C14orf180: variants seen among roughly 807,000 people sequenced by gnomAD.
The protein encoded by C14orf180 is nutritionally-regulated adipose and cardiac enriched protein homolog.
A neutral mutation model predicts 13.9 loss-of-function variants in C14orf180; 13 were observed. That is an observed-to-expected ratio of 0.94 (90% CI 0.61 to 1.49). The LOEUF (loss-of-function observed/expected upper bound fraction) is 1.49. Among genes scored for constraint, C14orf180 ranks in the 40% most tolerant of loss-of-function variants. The pLI is 0.00. For synonymous variants in C14orf180, 113 were observed against 106.3 expected (o/e 1.06, Z -0.39); for missense variants, 238 against 232.0 (o/e 1.03, Z -0.17).
chr14:104,590,397 C>G lies in C14orf180; in HGVS notation c.*1614C>G, dbSNP rs1300584721. 6.6e-6 allele frequency: 1 copy of G among 152,288 alleles called. No homozygotes were observed. Among genetic ancestry groups the G allele is most frequent in the East Asian group, 1.9e-4 (1 of 5,198 alleles). The allele number at this position is 152,288 out of a possible 1,614,324, so 9.4% of individuals were successfully genotyped here. A position where few individuals can be genotyped will look rare whatever the true frequency, so the allele number is the denominator to read the frequency against. Reference sequence around the variant, plus strand: ...GACACCCCTCCAGCCCCGGTTCTGACGGGGGACACCGCACAGGCCGATCTC... The same window carrying G: ...GACACCCCTCCAGCCCCGGTTCTGAGGGGGGACACCGCACAGGCCGATCTC... On this transcript the variant is annotated 3_prime_UTR_variant, in exon 5 of 5. Transcript: ENST00000557649.
Position 104,589,039 on chromosome 14 carries a change from A to C in C14orf180, c.*256A>C. The stretch of plus-strand genomic sequence containing the variant: ...TGGGTCCATGTGAGATTTTATTAGA[A>C]AGAGGATTCGACTGCTAACAGTTGA... On this transcript the variant is annotated 3_prime_UTR_variant, in exon 5 of 5. Transcript: ENST00000557649. This position sits in a 1 kb window ranked among gnomAD's most constrained non-coding sequence, Gnocchi z 4.9. 1 of 704,038 alleles carries C rather than the reference A, an allele frequency of 1.4e-6. No homozygotes were observed. Among genetic ancestry groups the C allele is most frequent in the Non-Finnish European group, 2.2e-6 (1 of 455,764 alleles). The allele number at this position is 704,038 out of a possible 1,614,324, so 43.6% of individuals were successfully genotyped here. A position where few individuals can be genotyped will look rare whatever the true frequency, so the allele number is the denominator to read the frequency against.
intron 1 of C14orf180, among the ~76,000 whole-genome samples, chr14:104,580,235 T>C (rs12717694): frequency 0.24 from 36,463 of 151,952 alleles, 7,144 homozygotes; most frequent in East Asian, 0.75. Context: ...ACACTGATGA[T>C]CCTGAGTGAC....
At chr14:104,582,695 G>A (rs1019626299) in intron 1 of C14orf180, among the ~76,000 whole-genome samples, 1 of 152,212 alleles carries the variant, frequency 6.6e-6, no homozygotes, top group East Asian at 1.9e-4. Context: ...GAACCCCCCA[G>A]CCCCCCAGCA....
At chr14:104,588,083 G>A (rs984425000) in intron 3 of C14orf180, among the ~76,000 whole-genome samples, 191 bp from the exon 4 acceptor site, 5 of 152,226 alleles carry the variant, frequency 3.3e-5, no homozygotes, top group Non-Finnish European at 5.9e-5. Context: ...ACAGCAACTG[G>A]AGGAGAACAT....
chr14:104,583,035 T>A (rs1472930405), intron 1 of C14orf180, among the ~76,000 whole-genome samples: 1 of 151,916 alleles, frequency 6.6e-6, no homozygotes, highest in Non-Finnish European at 1.5e-5. Context: ...GAGCCAGACC[T>A]CTCTTCCAGA....
At chr14:104,582,640 T>C (rs1886475484) in intron 1 of C14orf180, among the ~76,000 whole-genome samples, 1 of 152,044 alleles carries the variant, frequency 6.6e-6, no homozygotes, top group South Asian at 2.1e-4. Flanking sequence ...CAGTTTCCCC[T>C]CCGCCAGGGA....
intron 2 of C14orf180, among the ~76,000 whole-genome samples, chr14:104,587,427 C>T (rs1228791710): frequency 6.6e-6 from 1 of 152,220 alleles, no homozygotes; most frequent in East Asian, 1.9e-4. Context: ...CCCCTGTCCA[C>T]ATGTCCTGGG....
chr14:104,581,265 T>G (rs949888989), intron 1 of C14orf180: 1 of 152,220 alleles, frequency 6.6e-6, no homozygotes, highest in Non-Finnish European at 1.5e-5. Context: ...ATGGTCCCAG[T>G]CTTCTTCCAC....
In C14orf180 at chr14:104,588,626, G is replaced by A. The variant is rs773770243; in HGVS notation, c.326G>A (p.Cys109Tyr). Residue 109 changes from cysteine (C) to tyrosine (Y), a missense_variant, in exon 5 of 5, where the codon TGT becomes TAT. Transcript: ENST00000557649. Reference protein sequence around the residue: ...PHGGSLLLQLCVCVLLVLALG... With the variant: ...PHGGSLLLQLYVCVLLVLALG... Reference sequence around the variant, plus strand: ...GGCGGCTCCCTGCTCCTGCAGCTGTGTGTGTGCGTCCTGCTCGTGCTGGCC... The same window carrying A: ...GGCGGCTCCCTGCTCCTGCAGCTGTATGTGTGCGTCCTGCTCGTGCTGGCC... 5.4e-5 allele frequency: 81 copies of A among 1,503,714 alleles called. No individual in the cohort carries two copies. The highest frequency in any genetic ancestry group is 6.4e-5 in the Non-Finnish European group (72 of 1,127,694). The allele number at this position is 1,503,714 out of a possible 1,614,324, so 93.1% of individuals were successfully genotyped here.
rs140952034 is a variant in C14orf180, at chr14:104,587,662, G to A, written c.112-87G>A. On this transcript the variant is annotated intron_variant, in intron 2 of 4. Transcript: ENST00000557649. ...AGGACAGGGTACAGGTTCCAGGACG[G>A]TGCTGCTGGGCCCCACATGGCTCAG... 2,050 of 1,396,452 alleles carry A rather than the reference G, an allele frequency of 1.5e-3. 3 individuals are homozygous for A. Among genetic ancestry groups the A allele is most frequent in the Non-Finnish European group, 1.9e-3 (1,890 of 1,009,772 alleles). The allele number at this position is 1,396,452 out of a possible 1,614,324, so 86.5% of individuals were successfully genotyped here.
intron 2 of C14orf180, among the ~76,000 whole-genome samples, chr14:104,587,134 T>A (rs1886657065): frequency 6.6e-6 from 1 of 152,144 alleles, no homozygotes; most frequent in Admixed American, 6.5e-5. Flanking sequence ...GTTGTCACCA[T>A]GTCACAGACA....
intron 1 of C14orf180, among the ~76,000 whole-genome samples, chr14:104,583,818 T>A (rs1165611884): frequency 6.7e-6 from 1 of 150,182 alleles, no homozygotes; most frequent in African/African-American, 2.5e-5. Context: ...GCAGATACAC[T>A]CACACACACA....
At chr14:104,584,898 G>A (rs1454487166) in intron 1 of C14orf180, among the ~76,000 whole-genome samples, 2 of 152,210 alleles carry the variant, frequency 1.3e-5, no homozygotes, top group Non-Finnish European at 2.9e-5. Context: ...GGTGGTCATG[G>A]CCACCCTGTT....
At chr14:104,585,072 C>A (rs1210397407) in intron 1 of C14orf180, among the ~76,000 whole-genome samples, 2 of 152,372 alleles carry the variant, frequency 1.3e-5, no homozygotes, top group East Asian at 3.9e-4. Context: ...TCACCCTCCC[C>A]CTTCTCAGCC....
At chr14:104,582,756 C>G (rs1418310587) in intron 1 of C14orf180, among the ~76,000 whole-genome samples, 1 of 152,212 alleles carries the variant, frequency 6.6e-6, no homozygotes, top group African/African-American at 2.4e-5. Context: ...GTAGAGTCCC[C>G]TCGGGTGGAC....
chr14:104,586,636 C>T (rs1217926777), intron 2 of C14orf180, 95 bp downstream of exon 2: 2 of 651,664 alleles, frequency 3.1e-6, no homozygotes, highest in Non-Finnish European at 4.8e-6. Flanking sequence ...GGCCATCCTC[C>T]ACCCCAGGAA....
Position 104,590,255 on chromosome 14 carries a change from C to T in C14orf180, c.*1472C>T, listed in dbSNP as rs770832650. On this transcript the variant is annotated 3_prime_UTR_variant, in exon 5 of 5. Transcript: ENST00000557649. ...CCCAGGCCCAGCCCATCCCACCCCA[C>T]CCCAGGAAGGAGGATGGGCAGGTTC... is the stretch of plus-strand genomic sequence containing the variant. 4.6e-5 allele frequency: 7 copies of T among 151,916 alleles called. No homozygotes were observed. Among genetic ancestry groups the T allele is most frequent in the Non-Finnish European group, 7.4e-5 (5 of 67,974 alleles). The allele number at this position is 151,916 out of a possible 1,614,324, so 9.4% of individuals were successfully genotyped here.
intron 2 of C14orf180, 100 bp from the exon 3 acceptor site, chr14:104,587,649 A>T: frequency 1.6e-6 from 2 of 1,234,892 alleles, no homozygotes; most frequent in Non-Finnish European, 2.3e-6. Context: ...GACAGGGTAC[A>T]GGTTCCAGGA....
intron 2 of C14orf180, among the ~76,000 whole-genome samples, chr14:104,587,244 T>C (rs1886659173): frequency 6.6e-6 from 1 of 152,042 alleles, no homozygotes; most frequent in Non-Finnish European, 1.5e-5. Flanking sequence ...AGGGCCCAGG[T>C]AGGCAAATGT....
Sources: allele counts gnomAD v4.1 joint callset (sites outside exome capture counted in the v4.1 genomes callset), GRCh38; gene constraint gnomAD v4.1.1; non-coding constraint Gnocchi (gnomAD v3.1); transcripts MANE v1.5; gene names NCBI Gene and HGNC (gene_info 2026-07-23, HGNC 2026-07-21).